DGCR2: variants seen among roughly 807,000 people sequenced by gnomAD.
The protein encoded by DGCR2 is integral membrane protein DGCR2/IDD.
In DGCR2, 24 loss-of-function variants were observed where a neutral mutation model predicts 51.6. The observed-to-expected ratio is 0.47, with a 90% confidence interval of 0.34 to 0.65. The LOEUF (loss-of-function observed/expected upper bound fraction) is 0.65. Among genes scored for constraint, DGCR2 ranks in the 30% least tolerant of loss-of-function variants. DGCR2 has a pLI of 0.01. For missense variants in DGCR2, 765 were observed against 772.1 expected, an observed-to-expected ratio of 0.99 and a Z score of 0.11; for synonymous variants, 340 against 315.4, an observed-to-expected ratio of 1.08 and a Z score of -0.82.
At chr22:19,056,574 C>T in intron 6 of DGCR2, 1 of 383,770 alleles carries the variant, frequency 2.6e-6, no homozygotes, top group East Asian at 5.8e-5. Context: ...AAAACACACA[C>T]ACCATAGACT....
chr22:19,062,795 T>TCTCTCTC (rs2082692226), intron 5 of DGCR2, among the ~76,000 whole-genome samples: 1 of 146,838 alleles, frequency 6.8e-6, no homozygotes, highest in Admixed American at 6.8e-5. Context: ...TCTCTCTCTC[T>TCTCTCTC]CTCTCTCTCT....
intron 6 of DGCR2, among the ~76,000 whole-genome samples, chr22:19,050,415 C>T (rs913962008): frequency 2.0e-5 from 3 of 152,160 alleles, no homozygotes; most frequent in Non-Finnish European, 4.4e-5. Context: ...AGACAAACAA[C>T]AAGTGAGAGA....
chr22:19,115,136 C>CAG (rs1409283512), intron 1 of DGCR2, among the ~76,000 whole-genome samples: 1 of 152,204 alleles, frequency 6.6e-6, no homozygotes, highest in African/African-American at 2.4e-5. Context: ...TGCACCCAGC[C>CAG]AGCTCTTGAC....
At chr22:19,105,199 T>G (rs1457216528) in intron 1 of DGCR2, among the ~76,000 whole-genome samples, 1 of 152,170 alleles carries the variant, frequency 6.6e-6, no homozygotes, top group African/African-American at 2.4e-5. Context: ...GGCGCACACC[T>G]GTAGTCTCAG....
At chr22:19,094,583 T>A (rs2083117574) in intron 1 of DGCR2, among the ~76,000 whole-genome samples, 1 of 152,234 alleles carries the variant, frequency 6.6e-6, no homozygotes, top group African/African-American at 2.4e-5. Flanking sequence ...GAAAACAATT[T>A]GACAGTTTCT....
At chr22:19,061,581 C>T (rs1002878641) in intron 5 of DGCR2, 1 of 152,220 alleles carries the variant, frequency 6.6e-6, no homozygotes, top group African/African-American at 2.4e-5. Context: ...GTTCTTGTGC[C>T]ACATTTGGTT....
intron 1 of DGCR2, among the ~76,000 whole-genome samples, chr22:19,113,578 C>T (rs2146055021): frequency 6.6e-6 from 1 of 152,010 alleles, no homozygotes; most frequent in East Asian, 1.9e-4. Flanking sequence ...GGAAAATGCC[C>T]CATTCCAGTG....
In DGCR2 at chr22:19,063,226, C is replaced by T; in HGVS notation, c.601G>A (p.Gly201Ser). 1 of 1,614,234 alleles carries T rather than the reference C, an allele frequency of 6.2e-7. No individual in the cohort carries two copies. Among genetic ancestry groups the T allele is most frequent in the Non-Finnish European group, 8.5e-7 (1 of 1,180,038 alleles). ...CCTTTGAATGCCACCTCCCAGCGAC[C>T]TTCCAAGGAGCGGTTCCGGCCAGTG... ...VITGRNRSLE[G>S]RWEVAFKGSS... The change falls in exon 5 of 10, where the codon GGT becomes AGT. Residue 201 changes from glycine (G) to serine (S), a missense_variant. Physicochemically the swap from Gly to Ser is moderately conservative, Grantham distance 56. Transcript: ENST00000263196.
intron 2 of DGCR2, among the ~76,000 whole-genome samples, chr22:19,074,823 G>A (rs1385017140): frequency 4.6e-5 from 7 of 151,912 alleles, no homozygotes; most frequent in East Asian, 3.9e-4. Flanking sequence ...TTTTTACATC[G>A]GAGCTGCCGC....
intron 1 of DGCR2, among the ~76,000 whole-genome samples, chr22:19,109,603 T>G (rs1377084074): frequency 1.3e-5 from 2 of 152,194 alleles, no homozygotes; most frequent in Non-Finnish European, 2.9e-5. Flanking sequence ...AGGACGGTGG[T>G]TGCCAGGCTG....
chr22:19,068,150 T>C lies in DGCR2; in HGVS notation c.278A>G (p.Asp93Gly), dbSNP rs1456531087. ...DPRQGRARGG[D>G]PSHFHAVNVA... ...GTTCACCGCGTGGAAGTGCGAAGGG[T>C]CGCCTCCTCTGGCCCGCCCCTGCCG... Residue 93 changes from aspartate to glycine, a missense_variant, in exon 3 of 10, where the codon GAC becomes GGC. Physicochemically the swap from Asp to Gly is moderately conservative, Grantham distance 94. Around this residue, in one of 3 missense-constraint regions of DGCR2, gnomAD observed 370 missense variants for 325.5 expected, o/e 1.14. Coordinates refer to ENST00000263196, the MANE Select transcript of DGCR2 (RefSeq NM_005137.3). 1 of 1,610,296 alleles carries C rather than the reference T, an allele frequency of 6.2e-7. No homozygotes were observed. The highest frequency in any genetic ancestry group is 1.1e-5 in the South Asian group (1 of 90,768).
intron 1 of DGCR2, among the ~76,000 whole-genome samples, chr22:19,108,169 A>G (rs978359400): frequency 6.6e-6 from 1 of 152,188 alleles, no homozygotes; most frequent in African/African-American, 2.4e-5. Flanking sequence ...ACCTTGGGGT[A>G]GGCAAGGATT....
intron 7 of DGCR2, chr22:19,046,399 T>C (rs181246428): frequency 2.7e-4 from 41 of 152,992 alleles, no homozygotes; most frequent in African/African-American, 9.1e-4. Context: ...ACACACTTAT[T>C]AGTTCTAATA....
intron 1 of DGCR2, among the ~76,000 whole-genome samples, chr22:19,113,114 G>GT (rs2083334167): frequency 1.3e-5 from 2 of 152,090 alleles, no homozygotes; most frequent in Admixed American, 6.5e-5. Flanking sequence ...GCTCACGGCT[G>GT]TAATACCAGC....
At chr22:19,048,724 A>T in intron 6 of DGCR2, 81 bp from the exon 7 acceptor site, 1 of 1,439,970 alleles carries the variant, frequency 6.9e-7, no homozygotes, top group East Asian at 2.3e-5. Context: ...CTGCCAAAAA[A>T]GGTAGCCTCC....
chr22:19,054,920 A>T (rs1196386629), intron 6 of DGCR2, among the ~76,000 whole-genome samples: 1 of 152,184 alleles, frequency 6.6e-6, no homozygotes, highest in East Asian at 1.9e-4. Flanking sequence ...GTTCAAGACC[A>T]GCCTGACCAA....
At chr22:19,095,389 C>T (rs1424744846) in intron 1 of DGCR2, among the ~76,000 whole-genome samples, 1 of 151,970 alleles carries the variant, frequency 6.6e-6, no homozygotes, top group Non-Finnish European at 1.5e-5. Context: ...TGGCCAGGCG[C>T]GGTGGCTCAC....
At chr22:19,118,436 T>C (rs914498990) in intron 1 of DGCR2, among the ~76,000 whole-genome samples, 6 of 150,686 alleles carry the variant, frequency 4.0e-5, no homozygotes, top group Non-Finnish European at 7.4e-5. Flanking sequence ...TGTGTTCACT[T>C]CTCAGCTCCC....
intron 9 of DGCR2, 51 bp from the exon 10 acceptor site, chr22:19,039,172 GGGAT>G: frequency 6.2e-7 from 1 of 1,600,622 alleles, no homozygotes; most frequent in African/African-American, 1.3e-5. Context: ...CCTGGCACAG[GGGAT>G]GCAGGGGAGC....
Sources: gnomAD v4.1 joint callset for allele counts (sites outside exome capture counted in the v4.1 genomes callset) on GRCh38, gnomAD v4.1.1 for gene constraint, gnomAD v4.1.1 regional missense constraint, MANE v1.5 for transcripts, NCBI Gene and HGNC (gene_info 2026-07-23, HGNC 2026-07-21) for gene names.